The following VWC2L variants were observed in gnomAD, a reference collection of about 807,000 sequenced individuals.
VWC2L encodes the protein von Willebrand factor C domain-containing protein 2-like.
Under a neutral mutation model 21.6 loss-of-function variants are expected in VWC2L, and 10 were observed. The ratio of observed to expected loss-of-function variants is 0.46; its 90% CI spans 0.29 to 0.78. VWC2L has a LOEUF of 0.78. Among genes scored for constraint, VWC2L ranks in the 30% least tolerant of loss-of-function variants. The pLI, the probability that VWC2L is intolerant of heterozygous loss-of-function variation, is 0.10. For missense variants in VWC2L, 209 were observed against 277.1 expected (o/e 0.75, Z 1.74); for synonymous variants, 96 against 94.3 (o/e 1.02, Z -0.10).
rs1689426997 is a variant in VWC2L at position 214,531,101 on chromosome 2, A to G, written c.521-44571A>G. ...GGCATTGATCTTGCTACTTGCCTGTAGACTCAATAAGGTTGAAAAGGAAAG... is the reference window on the plus strand; with the variant it reads ...GGCATTGATCTTGCTACTTGCCTGTGGACTCAATAAGGTTGAAAAGGAAAG... On this transcript the variant is annotated intron_variant, in intron 3 of 3. Transcript: ENST00000312504. Among the ~76,000 whole-genome samples the G allele has an allele frequency of 2.0e-5, 3 of 152,298 alleles. No individual in the cohort carries two copies. The South Asian group carries it at 6.2e-4, about 32-fold the overall frequency.
In VWC2L at chr2:214,439,553, C is replaced by A. The variant is rs182492539; in HGVS notation, c.520+2795C>A. Among the ~76,000 whole-genome samples, 2 of 151,842 alleles carry A rather than the reference C, an allele frequency of 1.3e-5. 1 individual carries two copies. The highest frequency in any genetic ancestry group is 4.8e-5 in the African/African-American group (2 of 41,402). On this transcript the variant is annotated intron_variant, in intron 3 of 3. Transcript: ENST00000312504. ...AAATCTTCATAAATGGTTATTTTGG[C>A]GGGCAAGTAATTTTCAGTTTGCATA... is the stretch of plus-strand genomic sequence containing the variant.
intron 3 of VWC2L, among the ~76,000 whole-genome samples, chr2:214,558,175 C>T (rs918636681): frequency 2.6e-5 from 4 of 152,170 alleles, no homozygotes; most frequent in Non-Finnish European, 5.9e-5. Context: ...TCATGTATTG[C>T]TATTTTTTTC....
At chr2:214,480,647 T>C (rs894908524) in intron 3 of VWC2L, among the ~76,000 whole-genome samples, 24 of 152,082 alleles carry the variant, frequency 1.6e-4, no homozygotes, top group African/African-American at 5.3e-4. Context: ...GTTTTCATTC[T>C]GGGGATAACT....
intron 3 of VWC2L, among the ~76,000 whole-genome samples, chr2:214,464,686 G>A (rs1404341678): frequency 6.6e-6 from 1 of 152,070 alleles, no homozygotes; most frequent in African/African-American, 2.4e-5. Flanking sequence ...TCAGTTGGCA[G>A]GTGACTAATT....
chr2:214,434,012 A>G (rs1389573594), intron 2 of VWC2L, among the ~76,000 whole-genome samples: 3 of 152,222 alleles, frequency 2.0e-5, no homozygotes, highest in African/African-American at 2.4e-5. Context: ...AGGAAATCAC[A>G]TGCATATGAT....
At chr2:214,438,657 A>C (rs142623357) in intron 3 of VWC2L, among the ~76,000 whole-genome samples, 1 of 152,178 alleles carries the variant, frequency 6.6e-6, no homozygotes, top group African/African-American at 2.4e-5. Context: ...CCCAGAGTTA[A>C]TGTCTATGTC....
At chr2:214,439,536 A>C (rs1702732315) in intron 3 of VWC2L, among the ~76,000 whole-genome samples, 2 of 151,998 alleles carry the variant, frequency 1.3e-5, no homozygotes, top group South Asian at 4.1e-4. Flanking sequence ...TTAAATCTTC[A>C]TAAATGGTTA....
intron 3 of VWC2L, among the ~76,000 whole-genome samples, chr2:214,467,787 C>G (rs908990012): frequency 6.6e-6 from 1 of 152,104 alleles, no homozygotes; most frequent in African/African-American, 2.4e-5. Flanking sequence ...CATTCAATAA[C>G]TACTGAGTAC....
chr2:214,444,096 G>T (rs6729204), intron 3 of VWC2L, among the ~76,000 whole-genome samples: 1 of 151,800 alleles, frequency 6.6e-6, no homozygotes, highest in South Asian at 2.1e-4. Flanking sequence ...TGATGCAGAG[G>T]TATCAATAAA....
Position 214,554,418 on chromosome 2 carries a change from A to G in VWC2L, c.521-21254A>G, listed in dbSNP as rs867443160. ...GACATGCCTTGCCTGTAATCCCAGC[A>G]CTTTGGGGGCCGAGGCGGGTGGATC... On this transcript the variant is annotated intron_variant, in intron 3 of 3. Transcript: ENST00000312504. 6.6e-5 allele frequency among the ~76,000 whole-genome samples: 10 copies of G among 152,188 alleles called. No homozygotes were observed. In the Middle Eastern group the frequency reaches 0.014, roughly 207 times the overall value.
chr2:214,496,457 T>C (rs1358552840), intron 3 of VWC2L, among the ~76,000 whole-genome samples: 1 of 152,186 alleles, frequency 6.6e-6, no homozygotes, highest in Non-Finnish European at 1.5e-5. Context: ...CTATCTGTTA[T>C]ACTTAGGTCT....
At chr2:214,488,952 C>A (rs1301732199) in intron 3 of VWC2L, among the ~76,000 whole-genome samples, 2 of 152,202 alleles carry the variant, frequency 1.3e-5, no homozygotes, top group African/African-American at 4.8e-5. Flanking sequence ...CCCCATCACC[C>A]AACACCTCCC....
chr2:214,512,553 C>T (rs1468905949), intron 3 of VWC2L, among the ~76,000 whole-genome samples: 2 of 152,000 alleles, frequency 1.3e-5, no homozygotes, highest in African/African-American at 4.8e-5. Flanking sequence ...ACATATACCC[C>T]TGAACTTAAA....
At chr2:214,508,218 G>A (rs1688997708) in intron 3 of VWC2L, among the ~76,000 whole-genome samples, 1 of 151,902 alleles carries the variant, frequency 6.6e-6, no homozygotes, top group Non-Finnish European at 1.5e-5. Context: ...TTCGTGATCC[G>A]CTGCCTCAGC....
chr2:214,477,687 A>G (rs141952427), intron 3 of VWC2L, among the ~76,000 whole-genome samples: 2 of 152,350 alleles, frequency 1.3e-5, no homozygotes, highest in Non-Finnish European at 2.9e-5. Context: ...ACATCATATA[A>G]CTAGTAAATG....
At chr2:214,538,144 G>T (rs1162861514) in intron 3 of VWC2L, among the ~76,000 whole-genome samples, 1 of 152,056 alleles carries the variant, frequency 6.6e-6, no homozygotes, top group African/African-American at 2.4e-5. Flanking sequence ...GTGTCGGCAT[G>T]ACTGTGACAG....
At chr2:214,458,143 C>G (rs769141707) in intron 3 of VWC2L, among the ~76,000 whole-genome samples, 35 of 151,980 alleles carry the variant, frequency 2.3e-4, no homozygotes, top group Non-Finnish European at 4.7e-4. Flanking sequence ...TTGGTCTATT[C>G]AGGTTTTCTA....
intron 3 of VWC2L, among the ~76,000 whole-genome samples, chr2:214,491,696 AGGAGAGAACACT>A (rs1364290971): frequency 6.6e-6 from 1 of 152,220 alleles, no homozygotes; most frequent in East Asian, 1.9e-4. Context: ...CATAGAAGAA[AGGAGAGAACACT>A]GGAGTCAGAT....
intron 3 of VWC2L, among the ~76,000 whole-genome samples, chr2:214,498,264 T>A (rs1351675373): frequency 1.3e-5 from 2 of 152,160 alleles, no homozygotes; most frequent in Non-Finnish European, 2.9e-5. Flanking sequence ...AACCACCACT[T>A]TCCACAATGG....
Sources: allele counts gnomAD v4.1 joint callset (sites outside exome capture counted in the v4.1 genomes callset), GRCh38; gene constraint gnomAD v4.1.1; transcripts MANE v1.5; gene names NCBI Gene and HGNC (gene_info 2026-07-23, HGNC 2026-07-21).